The following ATP8B4 variants were observed in gnomAD, a reference collection of about 807,000 sequenced individuals.
ATP8B4 encodes probable phospholipid-transporting ATPase IM.
In ATP8B4, 133 loss-of-function variants were observed where a neutral mutation model predicts 145.6. The observed-to-expected ratio is 0.91, with a 90% CI of 0.79 to 1.05. The LOEUF (loss-of-function observed/expected upper bound fraction) is 1.05. Ranked by LOEUF, ATP8B4 falls within the 50% of genes least tolerant of loss-of-function variation. ATP8B4 has a pLI of 0.00. For missense variants in ATP8B4, 1,458 were observed against 1,425.2 expected (o/e 1.02, Z -0.37); for synonymous variants, 507 against 492.9 (o/e 1.03, Z -0.38).
intron 14 of ATP8B4, among the ~76,000 whole-genome samples, chr15:49,939,377 A>G (rs2041986053): frequency 6.6e-6 from 1 of 152,064 alleles, no homozygotes; most frequent in African/African-American, 2.4e-5. Flanking sequence ...AAGAAAAAAA[A>G]GAGAAAAGAT....
chr15:50,102,051 T>C (rs2056389458), intron 2 of ATP8B4, among the ~76,000 whole-genome samples: 1 of 152,054 alleles, frequency 6.6e-6, no homozygotes. Context: ...TGAACAATAA[T>C]AGTGACACAA....
intron 8 of ATP8B4, among the ~76,000 whole-genome samples, 172 bp downstream of exon 8, chr15:50,001,981 T>G (rs559837506): frequency 9.2e-5 from 14 of 152,214 alleles, no homozygotes; most frequent in African/African-American, 3.4e-4. Context: ...GAAAATAAAT[T>G]TAAGAGAAAA....
intron 2 of ATP8B4, among the ~76,000 whole-genome samples, chr15:50,084,188 G>A (rs909010789): frequency 2.1e-4 from 32 of 152,138 alleles, no homozygotes; most frequent in African/African-American, 7.5e-4. Context: ...CATCTAAGAC[G>A]GGGTAAAAAA....
At chr15:50,002,263 T>G in intron 7 of ATP8B4, 40 bp from the exon 8 acceptor site, 1 of 1,530,248 alleles carries the variant, frequency 6.5e-7, no homozygotes, top group Non-Finnish European at 9.0e-7. Context: ...CTTGAGAAGT[T>G]AGATTGGTTG....
upstream of ATP8B4, among the ~76,000 whole-genome samples, chr15:50,124,164 T>G (rs2057292292): frequency 6.6e-6 from 1 of 152,144 alleles, no homozygotes; most frequent in African/African-American, 2.4e-5. Flanking sequence ...GAAAGTATAG[T>G]TTTCTAACCT....
chr15:50,152,674 A>C (rs2044362560), intron 1 of ATP8B4, among the ~76,000 whole-genome samples: 1 of 152,236 alleles, frequency 6.6e-6, no homozygotes, highest in Non-Finnish European at 1.5e-5. Context: ...TTGATCTAAC[A>C]TACAGGACCA....
At chr15:50,056,709 A>G (rs1239976707) in intron 3 of ATP8B4, among the ~76,000 whole-genome samples, 1 of 141,206 alleles carries the variant, frequency 7.1e-6, no homozygotes, top group Non-Finnish European at 1.5e-5. Flanking sequence ...GTGTATATAT[A>G]TATATATACA....
Position 49,996,050 on chromosome 15 carries a change from T to C in ATP8B4, c.589+627A>G, listed in dbSNP as rs574853001. ...AACTTTAACAGAATAGAACGAGATA[T>C]AGGTAGAAAAGGAAAGGCAAGAGAG... On this transcript the variant is annotated intron_variant, in intron 9 of 27. Transcript: ENST00000284509. Among the ~76,000 whole-genome samples the C allele has an allele frequency of 3.3e-5, 5 of 152,044 alleles. No homozygotes were observed. In the South Asian group the frequency reaches 6.2e-4, roughly 19 times the overall value.
intron 3 of ATP8B4, among the ~76,000 whole-genome samples, chr15:50,067,473 G>A (rs945323934): frequency 6.6e-6 from 1 of 152,118 alleles, no homozygotes; most frequent in African/African-American, 2.4e-5. Context: ...AAATAAACAA[G>A]GCAGGAATCA....
chr15:50,036,384 A>G (rs1413978703), intron 6 of ATP8B4, among the ~76,000 whole-genome samples: 1 of 152,200 alleles, frequency 6.6e-6, no homozygotes, highest in Non-Finnish European at 1.5e-5. Flanking sequence ...ACTGGGTCCA[A>G]TATCCCAAGG....
intron 3 of ATP8B4, among the ~76,000 whole-genome samples, chr15:50,067,648 T>C (rs2153629452): frequency 6.6e-6 from 1 of 152,278 alleles, no homozygotes; most frequent in African/African-American, 2.4e-5. Flanking sequence ...TCTTCCTGAG[T>C]AGACTATATC....
intron 1 of ATP8B4, among the ~76,000 whole-genome samples, chr15:50,138,440 TGATA>T (rs3076917): frequency 0.28 from 24,485 of 88,668 alleles, 2,270 homozygotes; most frequent in Non-Finnish European, 0.4. Context: ...GACAGACAGA[TGATA>T]GATAGACAGA....
chr15:49,993,943 T>C (rs988218856), intron 9 of ATP8B4, among the ~76,000 whole-genome samples: 9 of 152,186 alleles, frequency 5.9e-5, no homozygotes, highest in African/African-American at 1.9e-4. Context: ...AGTTGCCCAT[T>C]CTGTATGAAG....
chr15:50,005,969 A>C (rs1273042934), intron 7 of ATP8B4, among the ~76,000 whole-genome samples: 1 of 152,176 alleles, frequency 6.6e-6, no homozygotes, highest in African/African-American at 2.4e-5. Flanking sequence ...CATCTTCTCT[A>C]TCATCTACAA....
In ATP8B4 at chr15:50,115,819, C is replaced by T. The variant is rs183424298; in HGVS notation, c.-43+3304G>A. Among the ~76,000 whole-genome samples, 216 of 152,286 alleles carry T rather than the reference C, an allele frequency of 1.4e-3. 1 individual carries two copies. The highest frequency in any genetic ancestry group is 5.1e-3 in the African/African-American group (211 of 41,544). On this transcript the variant is annotated intron_variant, in intron 1 of 27. Coordinates refer to ENST00000284509, the MANE Select transcript of ATP8B4 (RefSeq NM_024837.4). ...CCAAAACTCTACGAGCAGGAATTACCGTTATCCCCATTTTATAGATAAGGT... is the reference window on the plus strand; with the variant it reads ...CCAAAACTCTACGAGCAGGAATTACTGTTATCCCCATTTTATAGATAAGGT...
At chr15:49,909,677 C>A (rs1435242321) in intron 20 of ATP8B4, among the ~76,000 whole-genome samples, 2 of 148,326 alleles carry the variant, frequency 1.3e-5, no homozygotes, top group African/African-American at 2.5e-5. Context: ...AACAACCACA[C>A]CCTAAGCCAC....
At chr15:50,073,092 T>C in intron 3 of ATP8B4, among the ~76,000 whole-genome samples, 1 of 148,580 alleles carries the variant, frequency 6.7e-6, no homozygotes, top group South Asian at 2.1e-4. Context: ...TGTGTATATA[T>C]ATGTGTGTGT....
At chr15:50,001,125 CTG>C (rs2047857986) in intron 8 of ATP8B4, among the ~76,000 whole-genome samples, 1 of 151,748 alleles carries the variant, frequency 6.6e-6, no homozygotes, top group Non-Finnish European at 1.5e-5. Flanking sequence ...AGAACTAGCT[CTG>C]TGTCGTTGAT....
intron 2 of ATP8B4, among the ~76,000 whole-genome samples, chr15:50,078,803 T>C (rs80165313): frequency 0.018 from 2,679 of 152,190 alleles, 78 homozygotes; most frequent in African/African-American, 0.061. Context: ...CAGACCAATA[T>C]GACATTTCTC....
Sources: allele counts gnomAD v4.1 joint callset (sites outside exome capture counted in the v4.1 genomes callset), GRCh38; gene constraint gnomAD v4.1.1; transcripts MANE v1.5; gene names NCBI Gene and HGNC (gene_info 2026-07-23, HGNC 2026-07-21).